Variants in TMEM116 observed in about 807,000 individuals in gnomAD.
TMEM116 encodes the protein transmembrane protein 116.
TMEM116 carries 38 observed loss-of-function variants against 44.3 expected under a neutral mutation model. The observed-to-expected ratio is 0.86, with a 90% CI of 0.66 to 1.12. The LOEUF (loss-of-function observed/expected upper bound fraction) is 1.12. TMEM116 is among the 50% of genes most tolerant of loss of function. The pLI, the probability that TMEM116 is intolerant of heterozygous loss-of-function variation, is 0.00. For missense variants in TMEM116, 354 were observed against 401.7 expected (o/e 0.88, Z 1.01); for synonymous variants, 132 against 144.8 (o/e 0.91, Z 0.64).
At chr12:111,994,328 T>C (rs1346441801) in intron 3 of TMEM116, among the ~76,000 whole-genome samples, 1 of 152,022 alleles carries the variant, frequency 6.6e-6, no homozygotes, top group Non-Finnish European at 1.5e-5. Context: ...TTAAGACTTA[T>C]CGTGGGATCT....
intron 3 of TMEM116, among the ~76,000 whole-genome samples, chr12:111,996,206 GA>G (rs1314584514): frequency 2.0e-5 from 3 of 151,132 alleles, no homozygotes; most frequent in Admixed American, 6.6e-5. Context: ...AAGAAATAAT[GA>G]AAAAAATCAA....
At chr12:112,001,317 T>A (rs1043704670) in intron 3 of TMEM116, among the ~76,000 whole-genome samples, 1 of 152,018 alleles carries the variant, frequency 6.6e-6, no homozygotes, top group African/African-American at 2.4e-5. Flanking sequence ...CATTCAGCAA[T>A]TTTTTTATTT....
At chr12:111,991,927 T>G (rs2136627776) in intron 3 of TMEM116, 38 bp from the exon 4 acceptor site, 1 of 1,519,224 alleles carries the variant, frequency 6.6e-7, no homozygotes, top group South Asian at 1.2e-5. Context: ...ATATGTGATG[T>G]AGCTAGGAGA....
Position 111,931,591 on chromosome 12 carries a change from C to G in TMEM116, c.*30G>C. 1 of 1,595,016 alleles carries G rather than the reference C, an allele frequency of 6.3e-7. No homozygotes were observed. Among genetic ancestry groups the G allele is most frequent in the South Asian group, 1.1e-5 (1 of 90,666 alleles). ...TCCAATCCATTAGCGTAGAATAACTCCAGTTCCTGGATGTTCCAGTATTGT... is the reference window on the plus strand; with the variant it reads ...TCCAATCCATTAGCGTAGAATAACTGCAGTTCCTGGATGTTCCAGTATTGT... On this transcript the variant is annotated 3_prime_UTR_variant, in exon 11 of 11. Coordinates refer to ENST00000552374, the MANE Select transcript of TMEM116 (RefSeq NM_001193531.2).
intron 4 of TMEM116, among the ~76,000 whole-genome samples, chr12:111,950,051 G>C (rs754135667): frequency 6.6e-6 from 1 of 152,156 alleles, no homozygotes; most frequent in East Asian, 1.9e-4. Flanking sequence ...GAAGGCAGAG[G>C]TTTCAGTGAG....
intron 4 of TMEM116, among the ~76,000 whole-genome samples, chr12:111,977,147 A>C (rs895172548): frequency 6.6e-6 from 1 of 152,174 alleles, no homozygotes; most frequent in African/African-American, 2.4e-5. Context: ...ATAAAAACCA[A>C]AAAATCTGCA....
Position 111,997,660 on chromosome 12 carries a change from C to G in TMEM116, c.79-5771G>C, listed in dbSNP as rs185388476. 3.9e-3 allele frequency among the ~76,000 whole-genome samples: 598 copies of G among 152,284 alleles called. 15 individuals are homozygous for G. Among genetic ancestry groups the G allele is most frequent in the Admixed American group, 0.037 (563 of 15,296 alleles). ...GTACAAAACAGAATTTTTCTCATCT[C>G]TTTCTCCCAAGCCCACCTATACAAG... is the stretch of plus-strand genomic sequence containing the variant. On this transcript the variant is annotated intron_variant, in intron 3 of 10. Transcript: ENST00000552374.
At chr12:111,980,701 G>A (rs951337499) in intron 4 of TMEM116, among the ~76,000 whole-genome samples, 1 of 152,244 alleles carries the variant, frequency 6.6e-6, no homozygotes, top group South Asian at 2.1e-4. Flanking sequence ...TGTAGTATTT[G>A]CCCGATTTTT....
chr12:111,999,731 C>G (rs986471875), intron 3 of TMEM116, among the ~76,000 whole-genome samples: 4 of 151,820 alleles, frequency 2.6e-5, no homozygotes, highest in Non-Finnish European at 4.4e-5. Flanking sequence ...GCAAACAATC[C>G]CACAAGATGA....
intron 1 of TMEM116, among the ~76,000 whole-genome samples, chr12:112,007,631 T>C (rs1288779732): frequency 2.0e-5 from 3 of 152,206 alleles, no homozygotes; most frequent in Non-Finnish European, 2.9e-5. Context: ...CCTCTACTCA[T>C]ACATCTTACC....
chr12:111,937,233 G>C lies in TMEM116; in HGVS notation c.376C>G (p.Leu126Val). ...CAGAATACAGGTGTCATCAATAGCA[G>C]AGGTATCAGGCTGGGAGGGAAAAAA... The part of the protein sequence containing the change: ...MAFVFSSLIP[L>V]LLMTPVFCLG... Residue 126 changes from leucine (L) to valine (V), a missense_variant, in exon 7 of 11, where the codon CTG becomes GTG. Transcript: ENST00000552374. The C allele has an allele frequency of 6.2e-7, 1 of 1,613,718 alleles. No individual in the cohort carries two copies. Among genetic ancestry groups the C allele is most frequent in the Non-Finnish European group, 8.5e-7 (1 of 1,179,744 alleles).
intron 3 of TMEM116, among the ~76,000 whole-genome samples, chr12:112,002,029 CTAA>C (rs1295863415): frequency 1.4e-4 from 21 of 152,106 alleles, no homozygotes; most frequent in African/African-American, 5.1e-4. Context: ...CAATATCAGA[CTAA>C]TAATATCCAT....
intron 10 of TMEM116, among the ~76,000 whole-genome samples, 179 bp from the exon 11 acceptor site, chr12:111,932,006 T>C (rs976867249): frequency 4.6e-5 from 7 of 152,162 alleles, no homozygotes; most frequent in African/African-American, 1.4e-4. Flanking sequence ...TACACTACAC[T>C]GTTACGGATG....
intron 3 of TMEM116, among the ~76,000 whole-genome samples, chr12:111,992,382 G>A (rs2076666296): frequency 6.6e-6 from 1 of 151,058 alleles, no homozygotes; most frequent in Admixed American, 6.6e-5. Context: ...CCATTCTCCT[G>A]CCTCAGCCTC....
At chr12:111,934,372 A>G (rs2071949644) in intron 8 of TMEM116, 1 of 197,832 alleles carries the variant, frequency 5.1e-6, no homozygotes, top group Non-Finnish European at 1.0e-5. Context: ...CTCTTAAAAC[A>G]CTTTATTAGA....
chr12:111,951,400 A>G (rs2073718678), intron 4 of TMEM116, among the ~76,000 whole-genome samples: 1 of 152,248 alleles, frequency 6.6e-6, no homozygotes, highest in Non-Finnish European at 1.5e-5. Flanking sequence ...ACAATAGCAA[A>G]GACATAGAAT....
chr12:111,938,186 A>C lies in TMEM116; in HGVS notation c.340T>G (p.Cys114Gly), dbSNP rs3752630. Residue 114 changes from cysteine (C) to glycine (G), a missense_variant, in exon 6 of 11, where the codon TGT (cysteine) becomes GGT (glycine). By Grantham distance (159) the Cys-to-Gly change is radical (BLOSUM62 -3). Transcript: ENST00000552374. ...CTTGAGAAAACAAAGGCCATTTGACAAACTCGACAAGTATAATCTATCACC... is the reference window on the plus strand; with the variant it reads ...CTTGAGAAAACAAAGGCCATTTGACCAACTCGACAAGTATAATCTATCACC... ...PLVIDYTCRVCQMAFVFSSLI... is the reference protein window; with the variant it reads ...PLVIDYTCRVGQMAFVFSSLI... 0.17 allele frequency: 272,037 copies of C among 1,585,102 alleles called. 24,655 individuals carry two copies. Among genetic ancestry groups the C allele is most frequent in the African/African-American group, 0.27 (19,684 of 73,412 alleles).
At chr12:111,938,564 A>C (rs182679952) in intron 5 of TMEM116, among the ~76,000 whole-genome samples, 393 of 152,338 alleles carry the variant, frequency 2.6e-3, no homozygotes, top group South Asian at 4.8e-3. Context: ...TTCTAATAAC[A>C]GTTCAGCTCT....
At chr12:111,971,368 T>C (rs990936557) in intron 4 of TMEM116, among the ~76,000 whole-genome samples, 2 of 151,786 alleles carry the variant, frequency 1.3e-5, no homozygotes, top group African/African-American at 4.8e-5. Context: ...AGCATAAAGA[T>C]TGGGAGAAGA....
Sources: allele counts gnomAD v4.1 joint callset (sites outside exome capture counted in the v4.1 genomes callset), GRCh38; gene constraint gnomAD v4.1.1; transcripts MANE v1.5; gene names NCBI Gene and HGNC (gene_info 2026-07-23, HGNC 2026-07-21).